Variants in PIAS2 observed in about 807,000 individuals in gnomAD.
The protein encoded by PIAS2 is E3 SUMO-protein ligase PIAS2.
A neutral mutation model predicts 69.7 loss-of-function variants in PIAS2; 19 were observed. That is an observed-to-expected ratio of 0.27 (90% CI 0.19 to 0.40). The LOEUF (loss-of-function observed/expected upper bound fraction) is 0.40, where lower values mean the gene tolerates loss of function less well. Ranked by LOEUF, PIAS2 falls within the 10% of genes least tolerant of loss-of-function variation. The pLI is 1.00. For missense variants in PIAS2, 624 were observed against 757.0 expected (o/e 0.82, Z 2.06); for synonymous variants, 261 against 263.2 (o/e 0.99, Z 0.08).
intron 1 of PIAS2, among the ~76,000 whole-genome samples, chr18:46,896,212 G>A (rs2146080494): frequency 8.2e-6 from 1 of 122,058 alleles, no homozygotes; most frequent in African/African-American, 3.0e-5. Context: ...ATGCAGTGAA[G>A]TCAGATCCAC....
chr18:46,883,420 G>A (rs1420952197), intron 2 of PIAS2, among the ~76,000 whole-genome samples: 1 of 152,024 alleles, frequency 6.6e-6, no homozygotes, highest in African/African-American at 2.4e-5. Context: ...TAATTATATA[G>A]TGCCAAGCGC....
intron 3 of PIAS2, among the ~76,000 whole-genome samples, chr18:46,860,355 G>A (rs1478772318): frequency 6.6e-6 from 1 of 152,184 alleles, no homozygotes; most frequent in African/African-American, 2.4e-5. Flanking sequence ...TGTACAATAT[G>A]CTAGATCAAA....
At chr18:46,905,816 T>C (rs966211169) in intron 1 of PIAS2, 1 of 152,140 alleles carries the variant, frequency 6.6e-6, no homozygotes, top group Non-Finnish European at 1.5e-5. Flanking sequence ...ATAGTAATAA[T>C]TTTATAAGCA....
intron 8 of PIAS2, among the ~76,000 whole-genome samples, chr18:46,841,306 T>G (rs568469331): frequency 7.2e-5 from 11 of 152,308 alleles, no homozygotes; most frequent in African/African-American, 2.6e-4. Flanking sequence ...TAATAAACAT[T>G]TATTCTATCA....
intron 1 of PIAS2, among the ~76,000 whole-genome samples, chr18:46,912,705 G>C (rs772327645): frequency 1.2e-4 from 18 of 152,048 alleles, no homozygotes; most frequent in Non-Finnish European, 2.2e-4. Context: ...AAAAAATATA[G>C]AGAGAAAGGC....
chr18:46,918,244 G>A (rs1347778467), upstream of PIAS2, among the ~76,000 whole-genome samples: 2 of 152,206 alleles, frequency 1.3e-5, no homozygotes, highest in African/African-American at 4.8e-5. Flanking sequence ...AAGATGCTGA[G>A]TCAAGATGGC....
In PIAS2 at chr18:46,869,132, G is replaced by T. The variant is rs191586545; in HGVS notation, c.500-4884C>A. On this transcript the variant is annotated intron_variant, in intron 2 of 13. Coordinates refer to ENST00000585916, the MANE Select transcript of PIAS2 (RefSeq NM_004671.5). ...TGCAGTTCTGTGGTCACCTCATATG[G>T]CTTATGGCAGATTCCTGTTGTGGGG... Among the ~76,000 whole-genome samples, 70 of 152,336 alleles carry T rather than the reference G, an allele frequency of 4.6e-4. 2 individuals carry two copies. The East Asian group carries it at 0.014, about 29-fold the overall frequency.
rs150885589 is a variant in PIAS2 at position 46,845,032 on chromosome 18, A to G, written c.862-193T>C. ...TGAAAATAAAAGCTCAATCATTTTA[A>G]AGGTATTTCTTGATCATTTATCACT... On this transcript the variant is annotated intron_variant, in intron 6 of 13. Coordinates refer to ENST00000585916, the MANE Select transcript of PIAS2 (RefSeq NM_004671.5). 2.6e-4 allele frequency: 95 copies of G among 369,990 alleles called. No homozygotes were observed. In the East Asian group the frequency reaches 3.5e-3, roughly 14 times the overall value. 22.9% of individuals were successfully genotyped at this position (369,990 alleles called of 1,614,324 possible). A position where few individuals can be genotyped will look rare whatever the true frequency, so the allele number is the denominator to read the frequency against.
rs2047479773 is a variant in PIAS2 at position 46,854,691 on chromosome 18, T to C, written c.726+654A>G. ...ATCCTAGGTGCTGAAGCCCATATAC[T>C]CTCTCACTGCTTAAATGTGTTGTCA... On this transcript the variant is annotated intron_variant, in intron 5 of 13. Transcript: ENST00000585916. 2.6e-5 allele frequency among the ~76,000 whole-genome samples: 4 copies of C among 152,116 alleles called. No individual in the cohort carries two copies. In the South Asian group the frequency reaches 6.2e-4, roughly 24 times the overall value.
In PIAS2 at chr18:46,804,420, C is replaced by T. The variant is rs2040598295; in HGVS notation, c.*8013G>A. ...TGCATGACCCTGGGCAAGTAAGTCG[C>T]TTATCCTGTCAGAATCTGTTTCCAC... On this transcript the variant is annotated 3_prime_UTR_variant, in exon 14 of 14. Coordinates refer to ENST00000585916, the MANE Select transcript of PIAS2 (RefSeq NM_004671.5). 6.6e-6 allele frequency: 1 copy of T among 152,192 alleles called. No homozygotes were observed. Among genetic ancestry groups the T allele is most frequent in the Non-Finnish European group, 1.5e-5 (1 of 68,044 alleles). 9.4% of individuals were successfully genotyped at this position (152,192 alleles called of 1,614,324 possible). A position where few individuals can be genotyped will look rare whatever the true frequency, so the allele number is the denominator to read the frequency against.
In PIAS2 at chr18:46,897,465, T is replaced by C. The variant is rs148742567; in HGVS notation, c.25-6411A>G. 6.6e-3 allele frequency among the ~76,000 whole-genome samples: 1,007 copies of C among 152,278 alleles called. 8 individuals carry two copies. Among genetic ancestry groups the C allele is most frequent in the African/African-American group, 0.022 (901 of 41,542 alleles). ...AGCATCAAAAAGAATAATAACTGCA[T>C]TGGATTCAAACCGATTAAATATAGT... On this transcript the variant is annotated intron_variant, in intron 1 of 13. Transcript: ENST00000585916.
At chr18:46,891,644 T>A in intron 1 of PIAS2, 2 of 950,808 alleles carry the variant, frequency 2.1e-6, no homozygotes, top group Non-Finnish European at 2.5e-6. Context: ...ATCACATACA[T>A]CTTATTTAGC....
chr18:46,865,896 T>C (rs2049373638), intron 2 of PIAS2, among the ~76,000 whole-genome samples: 1 of 152,240 alleles, frequency 6.6e-6, no homozygotes, highest in Admixed American at 6.5e-5. Context: ...CTCCAGTTCC[T>C]ATTCACTCCT....
At chr18:46,885,659 G>A (rs963781620) in intron 2 of PIAS2, among the ~76,000 whole-genome samples, 2 of 151,998 alleles carry the variant, frequency 1.3e-5, no homozygotes, top group Non-Finnish European at 2.9e-5. Flanking sequence ...ACTCCAGCCT[G>A]GGTGACAGAG....
chr18:46,856,191 T>G (rs2047797694), intron 3 of PIAS2, among the ~76,000 whole-genome samples: 1 of 151,780 alleles, frequency 6.6e-6, no homozygotes, highest in Non-Finnish European at 1.5e-5. Context: ...TTATCAGAGA[T>G]AGGGTTTCAC....
intron 3 of PIAS2, among the ~76,000 whole-genome samples, chr18:46,855,916 T>C (rs992041844): frequency 2.0e-5 from 3 of 151,706 alleles, no homozygotes; most frequent in Admixed American, 1.3e-4. Flanking sequence ...GGAAGCAGCC[T>C]AAGTTCGGAA....
intron 1 of PIAS2, chr18:46,903,953 C>A (rs2056243248): frequency 6.6e-6 from 1 of 152,014 alleles, no homozygotes; most frequent in Non-Finnish European, 1.5e-5. Context: ...AATGAAAAAG[C>A]CAGACCCAAA....
intron 2 of PIAS2, among the ~76,000 whole-genome samples, chr18:46,889,814 G>A (rs752478572): frequency 4.6e-5 from 7 of 152,170 alleles, no homozygotes; most frequent in Non-Finnish European, 1.0e-4. Flanking sequence ...TAAAATGTGG[G>A]AGCAACCCAA....
intron 12 of PIAS2, chr18:46,816,481 T>C: frequency 1.0e-6 from 1 of 982,594 alleles, no homozygotes; most frequent in South Asian, 4.7e-5. Context: ...ATTTTTTTTT[T>C]TTCCTTTTTT....
Sources: gnomAD v4.1 joint callset for allele counts (sites outside exome capture counted in the v4.1 genomes callset) on GRCh38, gnomAD v4.1.1 for gene constraint, MANE v1.5 for transcripts, NCBI Gene and HGNC (gene_info 2026-07-23, HGNC 2026-07-21) for gene names.